The following SASH1 variants were observed in gnomAD, a reference collection of about 807,000 sequenced individuals.
SASH1 encodes the protein SAM and SH3 domain-containing protein 1.
A neutral mutation model predicts 125.2 loss-of-function variants in SASH1; 44 were observed. That is an observed-to-expected ratio of 0.35 (90% CI 0.28 to 0.45). SASH1 has a LOEUF of 0.45. SASH1 is among the 20% of genes least tolerant of loss of function. SASH1 has a pLI of 1.00. For missense variants in SASH1, 1,426 were observed against 1,614.5 expected (o/e 0.88, Z 2.00); for synonymous variants, 639 against 649.1 (o/e 0.98, Z 0.24).
At chr6:148,349,783 T>C (rs982497095) in intron 1 of SASH1, among the ~76,000 whole-genome samples, 4 of 152,134 alleles carry the variant, frequency 2.6e-5, no homozygotes, top group Admixed American at 6.6e-5. Context: ...TCTTTTATGC[T>C]CAAGAGTGGG....
At chr6:148,542,811 CACA>C (rs1018990945) in intron 17 of SASH1, among the ~76,000 whole-genome samples, 3 of 152,086 alleles carry the variant, frequency 2.0e-5, no homozygotes, top group African/African-American at 7.2e-5. Flanking sequence ...GGTCAAAGCA[CACA>C]ACAAACATGT....
intron 9 of SASH1, among the ~76,000 whole-genome samples, chr6:148,515,674 A>T (rs946400506): frequency 6.6e-6 from 1 of 152,304 alleles, no homozygotes; most frequent in South Asian, 2.1e-4. Context: ...CTGATTTTAC[A>T]TTTGGGTGTT....
At chr6:148,501,615 AAT>A in intron 8 of SASH1, among the ~76,000 whole-genome samples, 1 of 152,294 alleles carries the variant, frequency 6.6e-6, no homozygotes, top group East Asian at 1.9e-4. Context: ...TCACCTATTT[AAT>A]ATGAAACAAT....
intron 8 of SASH1, among the ~76,000 whole-genome samples, chr6:148,498,237 A>C (rs535634660): frequency 4.1e-5 from 6 of 146,364 alleles, no homozygotes; most frequent in Admixed American, 1.4e-4. Flanking sequence ...AAACAAACAA[A>C]AAAAAAAAAA....
chr6:148,501,458 A>T (rs1444010188), intron 8 of SASH1, among the ~76,000 whole-genome samples: 2 of 152,040 alleles, frequency 1.3e-5, no homozygotes, highest in South Asian at 4.1e-4. Flanking sequence ...TGAGAATTGG[A>T]TGCCCTTGGG....
At chr6:148,201,375 G>C in the SASH1 span, among the ~76,000 whole-genome samples, 1 of 152,120 alleles carries the variant, frequency 6.6e-6, no homozygotes, top group Non-Finnish European at 1.5e-5. Context: ...TCCGGGGTGG[G>C]ACCAACTGAA....
upstream of SASH1, among the ~76,000 whole-genome samples, chr6:148,271,674 C>A (rs1414845783): frequency 6.6e-6 from 1 of 152,148 alleles, no homozygotes; most frequent in Non-Finnish European, 1.5e-5. Flanking sequence ...GAGTTTGAAG[C>A]CTGGCATATC....
intron 1 of SASH1, among the ~76,000 whole-genome samples, chr6:148,365,494 T>A (rs1481265674): frequency 1.3e-5 from 2 of 151,794 alleles, no homozygotes; most frequent in South Asian, 2.1e-4. Flanking sequence ...GTAGAGGTGA[T>A]GAGGAGGGGG....
intron 1 of SASH1, among the ~76,000 whole-genome samples, chr6:148,273,296 C>CTTTTTTT (rs758727802): frequency 7.4e-6 from 1 of 134,678 alleles, no homozygotes; most frequent in Non-Finnish European, 1.6e-5. Flanking sequence ...TTCTTTCTTT[C>CTTTTTTT]TTTTTTTTTT....
intron 1 of SASH1, among the ~76,000 whole-genome samples, chr6:148,351,908 GT>G (rs1424240057): frequency 2.2e-4 from 33 of 151,910 alleles, no homozygotes; most frequent in African/African-American, 7.0e-4. Flanking sequence ...TGCTATAGGA[GT>G]TTGTCTTTGT....
chr6:148,433,494 C>T (rs1776151554), intron 2 of SASH1, among the ~76,000 whole-genome samples: 1 of 150,096 alleles, frequency 6.7e-6, no homozygotes, highest in Admixed American at 6.7e-5. Context: ...GCAACCCCTG[C>T]CTCCCAGTTC....
At chr6:148,422,108 A>G (rs1177018121) in intron 2 of SASH1, among the ~76,000 whole-genome samples, 2 of 152,194 alleles carry the variant, frequency 1.3e-5, no homozygotes, top group African/African-American at 2.4e-5. Flanking sequence ...CTCTCTACCT[A>G]GGCACAGCAG....
intron 1 of SASH1, among the ~76,000 whole-genome samples, chr6:148,368,683 G>A (rs2114735933): frequency 6.6e-6 from 1 of 151,524 alleles, no homozygotes; most frequent in African/African-American, 2.4e-5. Flanking sequence ...CGACAATGTA[G>A]TATAGGTATA....
At chr6:148,369,664 C>T (rs962821470) in intron 1 of SASH1, among the ~76,000 whole-genome samples, 1 of 151,874 alleles carries the variant, frequency 6.6e-6, no homozygotes, top group Admixed American at 6.6e-5. Flanking sequence ...GACAAAAAAA[C>T]CCAACCTGGC....
chr6:148,324,819 T>C (rs1475656120), intron 1 of SASH1, among the ~76,000 whole-genome samples: 1 of 152,104 alleles, frequency 6.6e-6, no homozygotes, highest in African/African-American at 2.4e-5. Flanking sequence ...ACTGTGGTAG[T>C]TCTGGTCAAA....
At chr6:148,436,458 T>C (rs981964679) in intron 2 of SASH1, among the ~76,000 whole-genome samples, 21 of 151,662 alleles carry the variant, frequency 1.4e-4, no homozygotes, top group Admixed American at 1.4e-3. Flanking sequence ...TGAGCCATGA[T>C]CTCGCCACTG....
At position 148,448,651 on chromosome 6, in the gene SASH1, C is replaced by G. The variant is rs187240068; in HGVS notation, c.386+8244C>G. Among the ~76,000 whole-genome samples the G allele has an allele frequency of 5.9e-4, 90 of 152,286 alleles. No individual in the cohort carries two copies. In the East Asian group the frequency reaches 0.014, roughly 23 times the overall value. On this transcript the variant is annotated intron_variant, in intron 4 of 19. Transcript: ENST00000367467. ...CTTTTTACCCAGCCTGTGAGCTCTC[C>G]CAAGGCTCTTACCTGCGCCCATGGC...
chr6:148,373,148 G>T (rs1035068766), intron 1 of SASH1, among the ~76,000 whole-genome samples: 1 of 151,974 alleles, frequency 6.6e-6, no homozygotes, highest in Non-Finnish European at 1.5e-5. Flanking sequence ...CCAAGATTGC[G>T]CCATTGCACT....
chr6:148,412,655 G>A (rs148008103), intron 2 of SASH1, among the ~76,000 whole-genome samples: 333 of 152,246 alleles, frequency 2.2e-3, no homozygotes, highest in Middle Eastern at 3.4e-3. Context: ...GGCTTCTGGT[G>A]AACGAATAGA....
Sources: allele counts gnomAD v4.1 joint callset (sites outside exome capture counted in the v4.1 genomes callset), GRCh38; gene constraint gnomAD v4.1.1; transcripts MANE v1.5; gene names NCBI Gene and HGNC (gene_info 2026-07-23, HGNC 2026-07-21).